DAB1: variants seen among roughly 807,000 people sequenced by gnomAD.
DAB1 encodes DAB adaptor protein 1.
Under a neutral mutation model 64.6 loss-of-function variants are expected in DAB1, and 15 were observed. The observed-to-expected ratio is 0.23, with a 90% CI of 0.16 to 0.36. The LOEUF is 0.36. Ranked by LOEUF, DAB1 falls within the 10% of genes least tolerant of loss-of-function variation. The probability of loss-of-function intolerance (pLI) is 1.00; values close to 1 mark genes in which losing one functional copy is unlikely to be tolerated. For missense variants in DAB1, 596 were observed against 706.7 expected (o/e 0.84, Z 1.78); for synonymous variants, 235 against 251.9 (o/e 0.93, Z 0.64).
chr1:57,442,809 A>T (rs553094514), intron 7 of DAB1, among the ~76,000 whole-genome samples: 2 of 152,330 alleles, frequency 1.3e-5, no homozygotes, highest in South Asian at 4.1e-4. Flanking sequence ...AAACTATTTT[A>T]GAAGCTGCCT....
rs184134083 is a variant in DAB1, at chr1:57,775,392, A to G, written n.551+108607T>C. The stretch of plus-strand genomic sequence containing the variant: ...TGACTTTAGACCCTATTTTTCTAAT[A>G]TAAGTATTTAAAGATATATATTTCC... On this transcript the variant is annotated intron_variant and non_coding_transcript_variant, in intron 6 of 20. Coordinates refer to the DAB1 transcript ENST00000485760. Among the ~76,000 whole-genome samples, 40 of 151,760 alleles carry G rather than the reference A, an allele frequency of 2.6e-4. No homozygotes were observed. The East Asian group carries it at 4.8e-3, about 18-fold the overall frequency.
chr1:57,439,418 G>GTGTTTTTTTTTTTTTTTTTTTTTT (rs1685823935), intron 7 of DAB1, among the ~76,000 whole-genome samples: 1 of 116,140 alleles, frequency 8.6e-6, no homozygotes, highest in East Asian at 3.0e-4. Context: ...TGGTGATGAG[G>GTGTTTTTTTTTTTTTTTTTTTTTT]TTTTTTCTTT....
chr1:57,515,327 A>T (rs1013101970), intron 7 of DAB1, among the ~76,000 whole-genome samples: 1 of 152,224 alleles, frequency 6.6e-6, no homozygotes, highest in Non-Finnish European at 1.5e-5. Context: ...GAATAATTTG[A>T]TTTATTTAGG....
intron 6 of DAB1, among the ~76,000 whole-genome samples, chr1:57,666,947 C>T (rs1646455973): frequency 1.3e-5 from 2 of 151,970 alleles, no homozygotes; most frequent in South Asian, 4.2e-4. Flanking sequence ...TGTTTTCCAT[C>T]ATGGCTAGAA....
At chr1:58,200,406 T>C (rs1048512603) in intron 4 of DAB1, among the ~76,000 whole-genome samples, 2 of 152,160 alleles carry the variant, frequency 1.3e-5, no homozygotes, top group Admixed American at 6.5e-5. Flanking sequence ...ATCTAATACA[T>C]TATTGCCTTT....
chr1:58,072,790 C>T (rs530860114), intron 5 of DAB1, among the ~76,000 whole-genome samples: 21 of 152,312 alleles, frequency 1.4e-4, no homozygotes, highest in Non-Finnish European at 2.4e-4. Flanking sequence ...GCCTTGAATT[C>T]GTGATACAGC....
At chr1:57,405,589 C>A (rs528653875) in intron 1 of DAB1, among the ~76,000 whole-genome samples, 1 of 152,186 alleles carries the variant, frequency 6.6e-6, no homozygotes, top group Non-Finnish European at 1.5e-5. Flanking sequence ...GGATTTCACA[C>A]GAAAACAAGA....
Position 57,972,543 on chromosome 1 carries a change from C to T in DAB1, n.388-88381G>A, listed in dbSNP as rs554777041. Among the ~76,000 whole-genome samples the T allele has an allele frequency of 2.0e-4, 31 of 152,220 alleles. No homozygotes were observed. In the South Asian group the frequency reaches 5.4e-3, roughly 26 times the overall value. ...TTCCCATGAGTCGCCACACACCTGG[C>T]CAATTTTTTCACCTAAAAGGGGACT... On this transcript the variant is annotated intron_variant and non_coding_transcript_variant, in intron 5 of 20. Transcript: ENST00000485760.
At chr1:58,498,923 G>A (rs1645849969) in intron 3 of DAB1, among the ~76,000 whole-genome samples, 2 of 152,116 alleles carry the variant, frequency 1.3e-5, no homozygotes, top group South Asian at 4.1e-4. Flanking sequence ...ATAATTTAAA[G>A]TAAATACAAA....
At chr1:58,458,806 T>C (rs984244345) in intron 3 of DAB1, among the ~76,000 whole-genome samples, 1 of 151,420 alleles carries the variant, frequency 6.6e-6, no homozygotes, top group Non-Finnish European at 1.5e-5. Flanking sequence ...CAGACAAAGA[T>C]TCTGTCTCAA....
chr1:57,064,764 G>A (rs1390685788), intron 8 of DAB1, among the ~76,000 whole-genome samples: 1 of 152,208 alleles, frequency 6.6e-6, no homozygotes, highest in Non-Finnish European at 1.5e-5. Context: ...GCAGAAAACA[G>A]GACTGAGTGA....
At chr1:58,180,096 T>C (rs1656692826) in intron 4 of DAB1, among the ~76,000 whole-genome samples, 1 of 151,838 alleles carries the variant, frequency 6.6e-6, no homozygotes, top group Non-Finnish European at 1.5e-5. Flanking sequence ...ATAAGGGATT[T>C]GGGTATCCAC....
chr1:58,182,776 C>T (rs1461714904), intron 4 of DAB1, among the ~76,000 whole-genome samples: 1 of 152,026 alleles, frequency 6.6e-6, no homozygotes, highest in African/African-American at 2.4e-5. Flanking sequence ...TCTTTTTCTG[C>T]GAAGTCCAAA....
Position 58,253,603 on chromosome 1 carries a change from C to T in DAB1, n.309+89749G>A, listed in dbSNP as rs945575131. Among the ~76,000 whole-genome samples, 8 of 152,344 alleles carry T rather than the reference C, an allele frequency of 5.3e-5. No individual in the cohort carries two copies. In the East Asian group the frequency reaches 1.2e-3, roughly 22 times the overall value. On this transcript the variant is annotated intron_variant and non_coding_transcript_variant, in intron 4 of 20. Transcript: ENST00000485760. ...ACAGTTTAGAGAGCACTTTATTTTA[C>T]GTTATTTCCTGTGATATTCACAAGA...
chr1:57,764,428 A>G (rs72664650), intron 6 of DAB1, among the ~76,000 whole-genome samples: 7,392 of 152,232 alleles, frequency 0.049, 258 homozygotes, highest in South Asian at 0.077. Context: ...TCAATTCTTT[A>G]TGTTTGGAAC....
intron 9 of DAB1, chr1:57,033,423 AG>A (rs1647027893): frequency 6.2e-7 from 1 of 1,612,828 alleles, no homozygotes; most frequent in South Asian, 1.1e-5. Context: ...GTCTGTGGGC[AG>A]GTTTCTGTTC....
chr1:58,073,476 C>A (rs1649402518), intron 5 of DAB1, among the ~76,000 whole-genome samples: 12 of 152,136 alleles, frequency 7.9e-5, no homozygotes, highest in Admixed American at 7.9e-4. Flanking sequence ...ACTTGCTCTC[C>A]CCAGGGCCCC....
At chr1:57,970,152 A>G (rs189585789) in intron 5 of DAB1, among the ~76,000 whole-genome samples, 1 of 152,328 alleles carries the variant, frequency 6.6e-6, no homozygotes, top group African/African-American at 2.4e-5. Context: ...TCCAGCCTCC[A>G]TAACTATGAG....
intron 2 of DAB1, among the ~76,000 whole-genome samples, chr1:57,193,404 T>C (rs1664331357): frequency 1.4e-5 from 2 of 144,768 alleles, no homozygotes; most frequent in African/African-American, 5.2e-5. Context: ...TTTTTTTTTT[T>C]GAGACAGAGT....
Sources: gnomAD v4.1 joint callset for allele counts (sites outside exome capture counted in the v4.1 genomes callset) on GRCh38, gnomAD v4.1.1 for gene constraint, MANE v1.5 for transcripts, NCBI Gene and HGNC (gene_info 2026-07-23, HGNC 2026-07-21) for gene names.